Variants in NKAIN1 observed in about 807,000 individuals in gnomAD.
The protein encoded by NKAIN1 is sodium/potassium transporting ATPase interacting 1, also known as sodium/potassium-transporting ATPase subunit beta-1-interacting protein 1.
NKAIN1 carries 13 observed loss-of-function variants against 31.6 expected under a neutral mutation model. The ratio of observed to expected loss-of-function variants is 0.41; its 90% CI spans 0.27 to 0.65. The LOEUF is 0.65. NKAIN1 is among the 30% of genes least tolerant of loss of function. The probability of loss-of-function intolerance (pLI) is 0.30; values close to 1 mark genes in which losing one functional copy is unlikely to be tolerated. For missense variants in NKAIN1, 193 were observed against 262.2 expected, an observed-to-expected ratio of 0.74 and a Z score of 1.82; for synonymous variants, 104 against 109.0, an observed-to-expected ratio of 0.95 and a Z score of 0.28.
intron 6 of NKAIN1, 39 bp downstream of exon 6, chr1:31,181,820 CG>C: frequency 6.3e-7 from 1 of 1,580,932 alleles, no homozygotes; most frequent in Non-Finnish European, 8.6e-7. Flanking sequence ...GCAACCCCGA[CG>C]CCCAGGCCTC....
intron 1 of NKAIN1, among the ~76,000 whole-genome samples, chr1:31,214,529 A>G (rs1645495776): frequency 6.6e-6 from 1 of 151,750 alleles, no homozygotes; most frequent in Non-Finnish European, 1.5e-5. Context: ...GTGTATGTGT[A>G]CATGTGTATG....
chr1:31,231,760 G>C (rs1228953419), intron 1 of NKAIN1, among the ~76,000 whole-genome samples: 1 of 151,864 alleles, frequency 6.6e-6, no homozygotes, highest in Non-Finnish European at 1.5e-5. Flanking sequence ...TCGATCTCCT[G>C]ACCTTGTGAT....
chr1:31,214,910 A>G (rs1386761911), intron 1 of NKAIN1, among the ~76,000 whole-genome samples: 1 of 152,222 alleles, frequency 6.6e-6, no homozygotes, highest in Non-Finnish European at 1.5e-5. Flanking sequence ...CAGAGAAAGC[A>G]GCCTGGGATG....
intron 1 of NKAIN1, among the ~76,000 whole-genome samples, chr1:31,209,350 G>A (rs1645449605): frequency 6.6e-6 from 1 of 152,054 alleles, no homozygotes; most frequent in Non-Finnish European, 1.5e-5. Context: ...ACTCCAGCCT[G>A]GGTAACAAGA....
At chr1:31,223,073 G>A (rs1645575833) in intron 1 of NKAIN1, among the ~76,000 whole-genome samples, 1 of 152,082 alleles carries the variant, frequency 6.6e-6, no homozygotes, top group South Asian at 2.1e-4. Context: ...AGCGGCTCTG[G>A]GATCAGAAAT....
At chr1:31,225,798 C>T (rs928231317) in intron 1 of NKAIN1, among the ~76,000 whole-genome samples, 9 of 152,190 alleles carry the variant, frequency 5.9e-5, no homozygotes, top group African/African-American at 2.2e-4. Flanking sequence ...CTCAGATTAC[C>T]CCTCCATTCA....
intron 1 of NKAIN1, among the ~76,000 whole-genome samples, chr1:31,192,412 T>C (rs1357269371): frequency 2.0e-5 from 3 of 152,264 alleles, no homozygotes; most frequent in Admixed American, 6.5e-5. Context: ...AGTGAAGAAG[T>C]TGGGGTCCCT....
intron 1 of NKAIN1, among the ~76,000 whole-genome samples, chr1:31,189,484 T>G (rs1465562359): frequency 6.6e-6 from 1 of 152,076 alleles, no homozygotes; most frequent in Non-Finnish European, 1.5e-5. Context: ...ACGCAGCTAA[T>G]TTTTGTATTT....
Position 31,185,298 on chromosome 1 carries a change from G to A in NKAIN1, c.222C>T (p.Gly74=). 1.2e-6 allele frequency: 2 copies of A among 1,610,870 alleles called. No homozygotes were observed. Among genetic ancestry groups the A allele is most frequent in the East Asian group, 2.2e-5 (1 of 44,862 alleles). The change falls in exon 3 of 7, where the codon GGC becomes GGT. Residue 74 remains glycine, a synonymous_variant. Coordinates refer to ENST00000373736, the MANE Select transcript of NKAIN1 (RefSeq NM_024522.3). ...LYAAWLVLWV[G]WNAFIICFYL... The stretch of plus-strand genomic sequence containing the variant: ...AGAAGCAGATGATAAATGCATTCCA[G>A]CCAACCCAGAGCACCAGCCAGGCTG...
intron 1 of NKAIN1, among the ~76,000 whole-genome samples, chr1:31,210,064 C>G (rs1285542921): frequency 1.3e-5 from 2 of 151,804 alleles, no homozygotes; most frequent in Admixed American, 6.6e-5. Context: ...CATCATCCAG[C>G]ATTCTACTCT....
At chr1:31,182,231 T>C (rs964537078) in intron 5 of NKAIN1, among the ~76,000 whole-genome samples, 1 of 148,938 alleles carries the variant, frequency 6.7e-6, no homozygotes, top group Non-Finnish European at 1.5e-5. Context: ...GGCAGTCCTA[T>C]GGGAGAGAAG....
intron 1 of NKAIN1, among the ~76,000 whole-genome samples, chr1:31,235,319 A>C (rs1405226689): frequency 6.6e-6 from 1 of 152,112 alleles, no homozygotes; most frequent in Non-Finnish European, 1.5e-5. Context: ...TAGAGGGTGA[A>C]TATGTTAATA....
intron 1 of NKAIN1, among the ~76,000 whole-genome samples, chr1:31,211,353 C>A (rs1027486035): frequency 6.6e-6 from 1 of 152,192 alleles, no homozygotes; most frequent in Non-Finnish European, 1.5e-5. Flanking sequence ...TGAATTTCTA[C>A]ACATTGACAA....
rs1305612657 is a variant in NKAIN1 at position 31,184,025 on chromosome 1, A to G, written c.274-11T>C. The G allele has an allele frequency of 6.2e-7, 1 of 1,612,208 alleles. No homozygotes were observed. Among genetic ancestry groups the G allele is most frequent in the East Asian group, 2.2e-5 (1 of 44,826 alleles). ...GATGAAGTCCCGGTCCTGGGGGCAA[A>G]GGGGCCTGGGATACTGAGTGTGAGG... On this transcript the variant is annotated splice_polypyrimidine_tract_variant and intron_variant, in intron 3 of 6. Coordinates refer to ENST00000373736, the MANE Select transcript of NKAIN1 (RefSeq NM_024522.3).
Position 31,183,967 on chromosome 1 carries a change from C to T in NKAIN1, c.321G>A (p.Trp107Ter), listed in dbSNP as rs1645223034. Residue 107 changes from tryptophan to a stop codon, truncating the protein, a stop_gained, in exon 4 of 7, where the codon TGG (tryptophan) becomes TGA (stop). Transcript: ENST00000373736. LOFTEE classifies it high-confidence loss of function. Reference protein sequence around the residue: ...MTFNTSLHRSWWMENGPGCLV... With the variant: ...MTFNTSLHRS ...GGCAGCCTGGCCCATTCTCCATCCACCAGGAGCGGTGCAGGGATGTGTTGA... is the reference window on the plus strand; with the variant it reads ...GGCAGCCTGGCCCATTCTCCATCCATCAGGAGCGGTGCAGGGATGTGTTGA... The T allele has an allele frequency of 6.2e-7, 1 of 1,613,972 alleles. No individual in the cohort carries two copies. The highest frequency in any genetic ancestry group is 1.7e-5 in the Admixed American group (1 of 59,988).
chr1:31,217,627 T>TG (rs994450955), intron 1 of NKAIN1, among the ~76,000 whole-genome samples: 1 of 152,180 alleles, frequency 6.6e-6, no homozygotes, highest in African/African-American at 2.4e-5. Context: ...TTCCACCCAC[T>TG]GGGGGATCTT....
At chr1:31,195,123 CCTTT>C (rs1645315194) in intron 1 of NKAIN1, among the ~76,000 whole-genome samples, 1 of 142,452 alleles carries the variant, frequency 7.0e-6, no homozygotes, top group African/African-American at 2.6e-5. Flanking sequence ...ATTCCTTCCT[CCTTT>C]TTTTTTTTTT....
At chr1:31,204,316 G>C (rs1645406969) in intron 1 of NKAIN1, among the ~76,000 whole-genome samples, 1 of 152,170 alleles carries the variant, frequency 6.6e-6, no homozygotes, top group African/African-American at 2.4e-5. Context: ...GGATGGACTG[G>C]AAGTGGGAGA....
At chr1:31,232,450 G>T (rs1645660567) in intron 1 of NKAIN1, among the ~76,000 whole-genome samples, 1 of 119,404 alleles carries the variant, frequency 8.4e-6, no homozygotes. Flanking sequence ...GAGAGAGAGA[G>T]AGAGAGAGAG....
Sources: gnomAD v4.1 joint callset for allele counts (sites outside exome capture counted in the v4.1 genomes callset) on GRCh38, gnomAD v4.1.1 for gene constraint, MANE v1.5 for transcripts, NCBI Gene and HGNC (gene_info 2026-07-23, HGNC 2026-07-21) for gene names.